ZNF25: variants seen among roughly 807,000 people sequenced by gnomAD.
ZNF25 encodes the protein zinc finger protein 25.
A neutral mutation model predicts 30.9 loss-of-function variants in ZNF25; 21 were observed. The observed-to-expected ratio is 0.68, with a 90% CI of 0.48 to 0.98. The LOEUF (loss-of-function observed/expected upper bound fraction) is 0.98. ZNF25 is among the 50% of genes least tolerant of loss of function. The pLI is 0.00. For missense variants in ZNF25, 501 were observed against 529.9 expected, an observed-to-expected ratio of 0.95 and a Z score of 0.54; for synonymous variants, 169 against 181.3, an observed-to-expected ratio of 0.93 and a Z score of 0.55.
chr10:37,953,222 A>G (rs1486428624), intron 5 of ZNF25, 27 bp from the exon 6 acceptor site: 1 of 1,547,750 alleles, frequency 6.5e-7, no homozygotes. Flanking sequence ...ACATTCATTA[A>G]TGTGTAAGAC....
In ZNF25 at chr10:37,971,844, T is replaced by C. The variant is rs1430532300; in HGVS notation, c.-85-37A>G. The C allele has an allele frequency of 4.4e-6, 6 of 1,374,704 alleles. No individual in the cohort carries two copies. In the Admixed American group the frequency reaches 7.2e-5, roughly 16 times the overall value. The allele number at this position is 1,374,704 out of a possible 1,614,324, so 85.2% of individuals were successfully genotyped here. ...TTCCATACAACATTTTAGTAAAATA[T>C]ATACCTTTGAGAAAATGTCCCTTTG... On this transcript the variant is annotated intron_variant, in intron 1 of 5. Coordinates refer to ENST00000302609, the MANE Select transcript of ZNF25 (RefSeq NM_145011.4).
intron 1 of ZNF25, among the ~76,000 whole-genome samples, chr10:37,972,041 C>T (rs186065099): frequency 3.9e-5 from 6 of 152,080 alleles, no homozygotes; most frequent in Admixed American, 2.6e-4. Flanking sequence ...ACAAAAGAAT[C>T]GAAAACTTAA....
At chr10:37,961,803 C>T (rs2062891542) in intron 2 of ZNF25, among the ~76,000 whole-genome samples, 1 of 151,912 alleles carries the variant, frequency 6.6e-6, no homozygotes, top group African/African-American at 2.4e-5. Context: ...TGCCTGTAAT[C>T]CCAGCTACTC....
Position 37,971,630 on chromosome 10 carries a change from A to AACACAC in ZNF25, c.15+72_15+77dup, listed in dbSNP as rs4007126. ...GGGCTCTCGTTCATAAAACTCATTAAACACACACACACACACACACACACA... is the reference window on the plus strand; with the variant it reads ...GGGCTCTCGTTCATAAAACTCATTAAACACACACACACACACACACACACACACACA... On this transcript the variant is annotated intron_variant, in intron 2 of 5. Coordinates refer to ENST00000302609, the MANE Select transcript of ZNF25 (RefSeq NM_145011.4). The AACACAC allele has an allele frequency of 9.0e-3, 12,503 of 1,385,554 alleles. 34 individuals carry two copies. The highest frequency in any genetic ancestry group is 0.022 in the African/African-American group (1,498 of 66,808). The allele number at this position is 1,385,554 out of a possible 1,614,324, so 85.8% of individuals were successfully genotyped here. A position where few individuals can be genotyped will look rare whatever the true frequency, so the allele number is the denominator to read the frequency against.
At chr10:37,967,875 T>G (rs187360956) in intron 2 of ZNF25, 4 of 152,340 alleles carry the variant, frequency 2.6e-5, no homozygotes, top group Non-Finnish European at 5.9e-5. Context: ...CCTAAATATA[T>G]GAGTTAAACA....
chr10:37,952,395 T>A lies in ZNF25; in HGVS notation c.1103A>T (p.Lys368Met), dbSNP rs554340596. The stretch of plus-strand genomic sequence containing the variant: ...GCCACATTCTGTGCATTCATAGGGC[T>A]TCTCCCCTGTGTGTTTTCTCTGATG... ...TKHQRKHTGE[K>M]PYECTECGKS... The change falls in exon 6 of 6, where the codon AAG becomes ATG. Residue 368 changes from lysine (K) to methionine (M), a missense_variant. By Grantham distance (95) the Lys-to-Met change is moderately conservative (BLOSUM62 -1). Coordinates refer to ENST00000302609, the MANE Select transcript of ZNF25 (RefSeq NM_145011.4). 6.2e-7 allele frequency: 1 copy of A among 1,614,186 alleles called. No homozygotes were observed. The highest frequency in any genetic ancestry group is 1.7e-5 in the Admixed American group (1 of 60,010).
At chr10:37,972,638 T>C (rs2063553312) in intron 1 of ZNF25, among the ~76,000 whole-genome samples, 1 of 152,116 alleles carries the variant, frequency 6.6e-6, no homozygotes, top group African/African-American at 2.4e-5. Flanking sequence ...TCATCATAAT[T>C]CTCAAACAAG....
chr10:37,962,013 G>A (rs1426236290), intron 2 of ZNF25, among the ~76,000 whole-genome samples: 1 of 151,492 alleles, frequency 6.6e-6, no homozygotes, highest in Non-Finnish European at 1.5e-5. Context: ...GAGGCAGGTG[G>A]ATCATGAGGT....
At chr10:37,972,070 T>G (rs2135447735) in intron 1 of ZNF25, among the ~76,000 whole-genome samples, 2 of 152,314 alleles carry the variant, frequency 1.3e-5, no homozygotes, top group Middle Eastern at 6.8e-3. Context: ...TAATGACTGA[T>G]TAAATAACAT....
At chr10:37,971,276 A>G in intron 2 of ZNF25, among the ~76,000 whole-genome samples, 1 of 149,614 alleles carries the variant, frequency 6.7e-6, no homozygotes, top group East Asian at 2.0e-4. Flanking sequence ...AGATTATACC[A>G]TTGCACTCCA....
intron 3 of ZNF25, 133 bp downstream of exon 3, chr10:37,957,287 T>C: frequency 7.4e-6 from 10 of 1,353,208 alleles, no homozygotes; most frequent in Non-Finnish European, 1.0e-5. Flanking sequence ...GTACCCAAAA[T>C]GGATTTATTA....
chr10:37,956,970 A>C (rs758580441), intron 4 of ZNF25, 50 bp downstream of exon 4: 2 of 1,324,438 alleles, frequency 1.5e-6, no homozygotes, highest in Admixed American at 3.7e-5. Context: ...AGAAGGCAAG[A>C]GGCACCAACT....
At chr10:37,957,185 G>T in intron 3 of ZNF25, 70 bp from the exon 4 acceptor site, 1 of 1,475,116 alleles carries the variant, frequency 6.8e-7, no homozygotes, top group Non-Finnish European at 9.4e-7. Context: ...AGATGAGGAA[G>T]TGGAGTTTCA....
chr10:37,969,190 G>A (rs1337671979), intron 2 of ZNF25, among the ~76,000 whole-genome samples: 3 of 152,058 alleles, frequency 2.0e-5, no homozygotes. Flanking sequence ...AATGTAAAAC[G>A]GTGCAGCTGC....
intron 4 of ZNF25, among the ~76,000 whole-genome samples, chr10:37,954,984 C>A (rs1398334075): frequency 6.6e-6 from 1 of 151,698 alleles, no homozygotes; most frequent in Non-Finnish European, 1.5e-5. Flanking sequence ...TGAAACCCCA[C>A]CTCTACTAAA....
chr10:37,952,293 T>C lies in ZNF25; in HGVS notation c.1205A>G (p.Glu402Gly), dbSNP rs763544397. ...CTTCTGAGAAAAGGACTTCCCACAT[T>C]CCTTGCATGCATAGGGCTTCTCTCC... ...HTGEKPYACKECGKSFSQKSH... is the reference protein window; with the variant it reads ...HTGEKPYACKGCGKSFSQKSH... The change falls in exon 6 of 6, where the codon GAA (glutamate) becomes GGA (glycine). Residue 402 changes from glutamate to glycine, a missense_variant. By Grantham distance (98) the Glu-to-Gly change is moderately conservative. Transcript: ENST00000302609. 5.0e-6 allele frequency: 8 copies of C among 1,613,800 alleles called. No homozygotes were observed. In the African/African-American group the frequency reaches 6.7e-5, roughly 13 times the overall value.
intron 4 of ZNF25, among the ~76,000 whole-genome samples, chr10:37,954,797 TA>T (rs1777604769): frequency 6.6e-6 from 1 of 152,138 alleles, no homozygotes; most frequent in Admixed American, 6.6e-5. Context: ...TGGTGGGGAA[TA>T]CATAAGAAAA....
chr10:37,975,719 T>C (rs536622697), intron 1 of ZNF25, among the ~76,000 whole-genome samples: 1 of 152,264 alleles, frequency 6.6e-6, no homozygotes, highest in Admixed American at 6.5e-5. Flanking sequence ...TAATTCACCT[T>C]TTGACTCAAG....
At chr10:37,962,755 G>A (rs1590252281) in intron 2 of ZNF25, among the ~76,000 whole-genome samples, 1 of 152,058 alleles carries the variant, frequency 6.6e-6, no homozygotes, top group African/African-American at 2.4e-5. Flanking sequence ...ACAGTAAAAG[G>A]ATAATAAAAG....
Sources: gnomAD v4.1 joint callset for allele counts (sites outside exome capture counted in the v4.1 genomes callset) on GRCh38, gnomAD v4.1.1 for gene constraint, MANE v1.5 for transcripts, NCBI Gene and HGNC (gene_info 2026-07-23, HGNC 2026-07-21) for gene names.